VSTM2A: variants seen among roughly 807,000 people sequenced by gnomAD.
The protein encoded by VSTM2A is V-set and transmembrane domain-containing protein 2A.
In VSTM2A, 13 loss-of-function variants were observed where a neutral mutation model predicts 27.3. That is an observed-to-expected ratio of 0.48 (90% CI 0.31 to 0.76). VSTM2A has a LOEUF of 0.76. Ranked by LOEUF, VSTM2A falls within the 30% of genes least tolerant of loss-of-function variation. The pLI, the probability that VSTM2A is intolerant of heterozygous loss-of-function variation, is 0.05. For synonymous variants in VSTM2A, 142 were observed against 125.7 expected (o/e 1.13, Z -0.87); for missense variants, 280 against 310.0 (o/e 0.90, Z 0.73).
chr7:54,562,355 C>T (rs1464888763), intron 4 of VSTM2A, among the ~76,000 whole-genome samples: 1 of 152,096 alleles, frequency 6.6e-6, no homozygotes, highest in East Asian at 1.9e-4. Flanking sequence ...TTTTTTCACT[C>T]TGAGTTCCTC....
intron 4 of VSTM2A, among the ~76,000 whole-genome samples, chr7:54,553,276 T>C (rs1788246661): frequency 6.6e-6 from 1 of 152,228 alleles, no homozygotes; most frequent in Non-Finnish European, 1.5e-5. Context: ...ATTATTTGAA[T>C]TCTACCTCCA....
chr7:54,561,280 G>A (rs757238018), intron 4 of VSTM2A, among the ~76,000 whole-genome samples: 1 of 152,116 alleles, frequency 6.6e-6, no homozygotes, highest in Non-Finnish European at 1.5e-5. Flanking sequence ...AAATGTTTAG[G>A]GATAGAAAGT....
intron 4 of VSTM2A, among the ~76,000 whole-genome samples, chr7:54,563,473 G>A (rs1788624412): frequency 6.6e-6 from 1 of 152,170 alleles, no homozygotes; most frequent in Non-Finnish European, 1.5e-5. Context: ...GCTTGAATGG[G>A]TGTGCTACCA....
chr7:54,564,123 C>T (rs939967), intron 4 of VSTM2A, among the ~76,000 whole-genome samples: 11,748 of 152,206 alleles, frequency 0.077, 1,259 homozygotes, highest in African/African-American at 0.24. Flanking sequence ...GTAATGGACA[C>T]TCAGTTCTTC....
chr7:54,569,163 C>T lies in VSTM2A; in HGVS notation c.667C>T (p.Arg223Trp). Residue 223 changes from arginine to tryptophan, a missense_variant, in exon 5 of 5, where the codon CGG (arginine) becomes TGG (tryptophan). Physicochemically the swap from Arg to Trp is moderately radical, Grantham distance 101. Transcript: ENST00000402613. ...KSKSPVKSTE[R>W]TAKLTLNSKH... is the part of the protein sequence containing the mutation. ...CAAATCGCCTGTAAAATCTACGGAG[C>T]GGACAGCAAAGTTGACCCTAAACTC... 1.3e-6 allele frequency: 2 copies of T among 1,552,934 alleles called. No homozygotes were observed. Among genetic ancestry groups the T allele is most frequent in the South Asian group, 1.2e-5 (1 of 84,244 alleles).
rs576726910 is a variant in VSTM2A, at chr7:54,568,532, T to TA, written c.635-587dup. Among the ~76,000 whole-genome samples the TA allele has an allele frequency of 6.5e-3, 928 of 143,234 alleles. 10 individuals are homozygous for TA. The highest frequency in any genetic ancestry group is 0.018 in the African/African-American group (699 of 39,378). The allele number at this position is 143,234 out of a possible 152,430, so 94.0% of individuals were successfully genotyped here. On this transcript the variant is annotated intron_variant, in intron 4 of 4. Transcript: ENST00000402613. ...TAACTTTCTCCAAGATTTCGAGGAT[T>TA]AAAAAAAAAAAACACTATAAAAGTA...
chr7:54,557,580 C>T (rs1045777805), intron 4 of VSTM2A, among the ~76,000 whole-genome samples: 2 of 152,062 alleles, frequency 1.3e-5, no homozygotes, highest in Admixed American at 6.6e-5. Context: ...GTGATCCCCT[C>T]TCTTTGGCCT....
At chr7:54,551,339 T>C (rs1157452555) in intron 4 of VSTM2A, 1 of 152,210 alleles carries the variant, frequency 6.6e-6, no homozygotes, top group African/African-American at 2.4e-5. Context: ...TCTTAATGCT[T>C]TACTTCCTAA....
chr7:54,546,390 C>T (rs1787969387), intron 2 of VSTM2A, among the ~76,000 whole-genome samples: 2 of 151,892 alleles, frequency 1.3e-5, no homozygotes, highest in Middle Eastern at 3.4e-3. Context: ...GAGCGAGAGG[C>T]GGCGCCCCTG....
At position 54,565,094 on chromosome 7, in the gene VSTM2A, T is replaced by A. The variant is rs371684214; in HGVS notation, c.635-4037T>A. On this transcript the variant is annotated intron_variant, in intron 4 of 4. Coordinates refer to ENST00000402613, the MANE Select transcript of VSTM2A (RefSeq NM_001301009.2). ...TATACATTCAAATGATAGCTGCACA[T>A]CTCAATTTAACAAATGTGGGGTATT... Among the ~76,000 whole-genome samples the A allele has an allele frequency of 9.1e-3, 160 of 17,520 alleles. No homozygotes were observed. The South Asian group carries it at 0.26, about 29-fold the overall frequency. 11.5% of individuals were successfully genotyped at this position (17,520 alleles called of 152,430 possible). A position where few individuals can be genotyped will look rare whatever the true frequency, so the allele number is the denominator to read the frequency against.
chr7:54,547,003 T>C lies in VSTM2A; in HGVS notation c.297+6T>C, dbSNP rs1244031146. 2 of 1,494,600 alleles carry C rather than the reference T, an allele frequency of 1.3e-6. No individual in the cohort carries two copies. The highest frequency in any genetic ancestry group is 1.8e-6 in the Non-Finnish European group (2 of 1,126,696). The allele number at this position is 1,494,600 out of a possible 1,614,324, so 92.6% of individuals were successfully genotyped here. A position where few individuals can be genotyped will look rare whatever the true frequency, so the allele number is the denominator to read the frequency against. On this transcript the variant is annotated splice_donor_region_variant and intron_variant, in intron 3 of 4. Transcript: ENST00000402613. ...GCGACGGGACCAAGATCAGCGTGAG[T>C]GCGGGGCGCGCCAAGGGCCGCGGGC...
chr7:54,546,226 T>C (rs913239088), intron 2 of VSTM2A: 20 of 117,170 alleles, frequency 1.7e-4, no homozygotes, highest in African/African-American at 6.6e-4. Context: ...AGTAGGGGAA[T>C]GGGGAGTGTG....
intron 2 of VSTM2A, 29 bp from the exon 3 acceptor site, chr7:54,546,918 G>T (rs983828806): frequency 1.3e-6 from 2 of 1,597,486 alleles, no homozygotes; most frequent in Non-Finnish European, 1.7e-6. Flanking sequence ...GGCCTGGCGC[G>T]GGACTGAGCG....
chr7:54,553,109 G>T (rs1584053602), intron 4 of VSTM2A, among the ~76,000 whole-genome samples: 1 of 152,308 alleles, frequency 6.6e-6, no homozygotes, highest in Non-Finnish European at 1.5e-5. Flanking sequence ...GGAAAAGATA[G>T]TCTATGACCA....
chr7:54,545,726 A>G (rs1330483278), intron 2 of VSTM2A, among the ~76,000 whole-genome samples: 1 of 105,484 alleles, frequency 9.5e-6, no homozygotes, highest in Non-Finnish European at 1.9e-5. Context: ...AGGGAAGGGG[A>G]AAAAGGGAGA....
intron 4 of VSTM2A, chr7:54,554,136 T>C: frequency 6.5e-7 from 1 of 1,538,646 alleles, no homozygotes; most frequent in Non-Finnish European, 8.8e-7. Flanking sequence ...GTCTCCTGCT[T>C]CCAATTCCCC....
At position 54,570,964 on chromosome 7, in the gene VSTM2A, AG is replaced by A. The variant is rs1379311585; in HGVS notation, c.*1746del. On this transcript the variant is annotated 3_prime_UTR_variant, in exon 5 of 5. Transcript: ENST00000402613. Reference sequence around the variant, plus strand: ...TTCATAATATTCTTGACATTACCTGAGAAATAATACTTCATGCTAAATCTTT... The same window carrying A: ...TTCATAATATTCTTGACATTACCTGAAAATAATACTTCATGCTAAATCTTT... 6.6e-6 allele frequency: 1 copy of A among 152,240 alleles called. No homozygotes were observed. Among genetic ancestry groups the A allele is most frequent in the Non-Finnish European group, 1.5e-5 (1 of 68,036 alleles). The allele number at this position is 152,240 out of a possible 1,614,324, so 9.4% of individuals were successfully genotyped here. A position where few individuals can be genotyped will look rare whatever the true frequency, so the allele number is the denominator to read the frequency against.
intron 1 of VSTM2A, among the ~76,000 whole-genome samples, chr7:54,544,172 G>A (rs950371676): frequency 3.9e-5 from 6 of 152,224 alleles, no homozygotes; most frequent in Non-Finnish European, 7.3e-5. Context: ...CATTTTGACA[G>A]ATAATCATGA....
At chr7:54,561,179 A>G (rs1023038288) in intron 4 of VSTM2A, among the ~76,000 whole-genome samples, 2 of 152,228 alleles carry the variant, frequency 1.3e-5, no homozygotes, top group Non-Finnish European at 2.9e-5. Context: ...CTACCTGAAA[A>G]TATTATAAGG....
Sources: gnomAD v4.1 joint callset for allele counts (sites outside exome capture counted in the v4.1 genomes callset) on GRCh38, gnomAD v4.1.1 for gene constraint, MANE v1.5 for transcripts, NCBI Gene and HGNC (gene_info 2026-07-23, HGNC 2026-07-21) for gene names.